Variants in VDAC3 observed in about 807,000 individuals in gnomAD.
VDAC3 encodes voltage dependent anion channel 3, also known as non-selective voltage-gated ion channel VDAC3.
A neutral mutation model predicts 33.9 loss-of-function variants in VDAC3; 7 were observed. The observed-to-expected ratio is 0.21, with a 90% confidence interval of 0.12 to 0.39. The LOEUF (loss-of-function observed/expected upper bound fraction) is 0.39. VDAC3 is among the 10% of genes least tolerant of loss of function. The probability of loss-of-function intolerance (pLI) is 1.00; values close to 1 mark genes in which losing one functional copy is unlikely to be tolerated. For missense variants in VDAC3, 261 were observed against 334.5 expected, an observed-to-expected ratio of 0.78 and a Z score of 1.71; for synonymous variants, 100 against 122.4, an observed-to-expected ratio of 0.82 and a Z score of 1.21.
Position 42,401,795 on chromosome 8 carries a change from A to G in VDAC3, c.331A>G (p.Ser111Gly). 2 of 1,614,064 alleles carry G rather than the reference A, an allele frequency of 1.2e-6. No individual in the cohort carries two copies. Among genetic ancestry groups the G allele is most frequent in the Non-Finnish European group, 1.7e-6 (2 of 1,179,928 alleles). The change falls in exon 7 of 10, where the codon AGT (serine) becomes GGT (glycine). Residue 111 changes from serine (S) to glycine (G), a missense_variant. By Grantham distance (56) the Ser-to-Gly change is moderately conservative. Coordinates refer to ENST00000022615, the MANE Select transcript of VDAC3 (RefSeq NM_005662.7). ...TTTGTTTGTTTATTGCAGAAAGAAG[A>G]GTGGGAAATTGAAGGCCTCCTATAA... The part of the protein sequence containing the change: ...TIFVPNTGKK[S>G]GKLKASYKRD...
chr8:42,404,242 C>A (rs944042727), intron 8 of VDAC3, among the ~76,000 whole-genome samples: 2 of 152,154 alleles, frequency 1.3e-5, no homozygotes, highest in African/African-American at 4.8e-5. Context: ...ACTGGCAGTG[C>A]CACAATTGAA....
chr8:42,400,697 T>G (rs1020523523), intron 6 of VDAC3, among the ~76,000 whole-genome samples: 1 of 137,058 alleles, frequency 7.3e-6, no homozygotes. Flanking sequence ...TTTTTTTTTT[T>G]GAGATGGAGT....
At chr8:42,401,187 A>C (rs1368761613) in intron 6 of VDAC3, among the ~76,000 whole-genome samples, 1 of 151,994 alleles carries the variant, frequency 6.6e-6, no homozygotes. Flanking sequence ...TTGGCACTGA[A>C]ATATCTTATT....
At chr8:42,395,391 A>T (rs530267656) in intron 4 of VDAC3, among the ~76,000 whole-genome samples, 1 of 152,266 alleles carries the variant, frequency 6.6e-6, no homozygotes, top group Non-Finnish European at 1.5e-5. Flanking sequence ...GACCCATGTC[A>T]TATGTTTATA....
Position 42,403,440 on chromosome 8 carries a change from G to A in VDAC3, c.681G>A (p.Leu227=). 2 of 1,590,352 alleles carry A rather than the reference G, an allele frequency of 1.3e-6. No individual in the cohort carries two copies. The highest frequency in any genetic ancestry group is 1.7e-6 in the Non-Finnish European group (2 of 1,171,176). ...TRFGIAAKYM[L]DCRTSLSAKV... The stretch of plus-strand genomic sequence containing the variant: ...TTGGCATTGCTGCTAAGTACATGCT[G>A]GATTGTAGAACTTCTCTCTCTGTAA... Residue 227 remains leucine (L), a synonymous_variant, in exon 8 of 10, where the codon CTG becomes CTA. Coordinates refer to ENST00000022615, the MANE Select transcript of VDAC3 (RefSeq NM_005662.7).
At position 42,394,250 on chromosome 8, in the gene VDAC3, T is replaced by G; in HGVS notation, c.39T>G (p.Ala13=). The change falls in exon 3 of 10, where the codon GCT becomes GCG. Residue 13 remains alanine, a synonymous_variant. Coordinates refer to ENST00000022615, the MANE Select transcript of VDAC3 (RefSeq NM_005662.7). ...CAACGTACTGTGACCTAGGAAAGGC[T>G]GCTAAGGATGTCTTCAACAAAGGAT... ...NTPTYCDLGK[A]AKDVFNKGYG... is the part of the protein sequence containing the mutation. 3 of 1,613,780 alleles carry G rather than the reference T, an allele frequency of 1.9e-6. No homozygotes were observed. The highest frequency in any genetic ancestry group is 2.5e-6 in the Non-Finnish European group (3 of 1,179,780).
intron 1 of VDAC3, among the ~76,000 whole-genome samples, chr8:42,392,677 CAA>C (rs1375131129): frequency 6.6e-6 from 1 of 152,046 alleles, no homozygotes; most frequent in Admixed American, 6.6e-5. Context: ...TGAAAAATAA[CAA>C]AACAAAATGC....
At chr8:42,399,204 C>T (rs1157813257) in intron 5 of VDAC3, among the ~76,000 whole-genome samples, 1 of 151,998 alleles carries the variant, frequency 6.6e-6, no homozygotes, top group East Asian at 1.9e-4. Flanking sequence ...CTCATGTTTT[C>T]AAGGAGAAAA....
intron 4 of VDAC3, chr8:42,397,732 G>T (rs1802341770): frequency 6.6e-6 from 1 of 152,152 alleles, no homozygotes; most frequent in Non-Finnish European, 1.5e-5. Flanking sequence ...AGGTAGACAG[G>T]ATAGAAAGGG....
chr8:42,392,563 C>G (rs899091282), intron 1 of VDAC3, among the ~76,000 whole-genome samples: 2 of 152,180 alleles, frequency 1.3e-5, no homozygotes, highest in African/African-American at 4.8e-5. Flanking sequence ...CATTTCCCAT[C>G]AGAGTCATAG....
chr8:42,402,281 G>A (rs771776518), intron 7 of VDAC3: 25 of 513,774 alleles, frequency 4.9e-5, no homozygotes, highest in Non-Finnish European at 8.4e-5. Flanking sequence ...GATAGAGGGA[G>A]CCCAGAGCAT....
chr8:42,403,669 A>C (rs1480023474), intron 8 of VDAC3, among the ~76,000 whole-genome samples: 6 of 152,232 alleles, frequency 3.9e-5, no homozygotes. Flanking sequence ...TGAGGTCAGG[A>C]GTTCAAGACC....
chr8:42,396,989 C>T (rs1396569687), intron 4 of VDAC3: 2 of 284,298 alleles, frequency 7.0e-6, no homozygotes, highest in African/African-American at 2.2e-5. Context: ...ACAATTCTAG[C>T]CTTTTTTTCT....
intron 1 of VDAC3, 56 bp downstream of exon 1, chr8:42,391,984 C>G (rs927462782): frequency 6.6e-6 from 1 of 152,416 alleles, no homozygotes; most frequent in African/African-American, 2.4e-5. Context: ...GGGCCGCGGC[C>G]GAGCAGAGCG....
intron 4 of VDAC3, among the ~76,000 whole-genome samples, chr8:42,397,877 T>A (rs1043883782): frequency 1.3e-5 from 2 of 152,240 alleles, no homozygotes; most frequent in African/African-American, 4.8e-5. Flanking sequence ...AGTGTGACTG[T>A]ACTTAATGCC....
intron 3 of VDAC3, among the ~76,000 whole-genome samples, chr8:42,394,774 T>A (rs1802275642): frequency 6.6e-6 from 1 of 152,208 alleles, no homozygotes; most frequent in African/African-American, 2.4e-5. Flanking sequence ...TTAACTATAT[T>A]TTAAACGATA....
chr8:42,397,950 A>G (rs548589852), intron 4 of VDAC3, among the ~76,000 whole-genome samples: 2 of 139,538 alleles, frequency 1.4e-5, no homozygotes, highest in East Asian at 3.9e-4. Context: ...TATTTACCAC[A>G]ATAAAAAAAA....
intron 4 of VDAC3, 72 bp from the exon 5 acceptor site, chr8:42,398,640 A>C: frequency 6.6e-7 from 1 of 1,513,606 alleles, no homozygotes; most frequent in Non-Finnish European, 8.9e-7. Context: ...TACATTGAAC[A>C]CTGCTTTCCA....
chr8:42,393,127 T>C (rs1233104371), intron 1 of VDAC3, among the ~76,000 whole-genome samples: 2 of 152,222 alleles, frequency 1.3e-5, no homozygotes, highest in Non-Finnish European at 2.9e-5. Context: ...TCTGTCATAT[T>C]TGACAGGTTT....
Sources: allele counts gnomAD v4.1 joint callset (sites outside exome capture counted in the v4.1 genomes callset), GRCh38; gene constraint gnomAD v4.1.1; transcripts MANE v1.5; gene names NCBI Gene and HGNC (gene_info 2026-07-23, HGNC 2026-07-21).